GNA12: variants seen among roughly 807,000 people sequenced by gnomAD.
GNA12 encodes G protein subunit alpha 12, also known as guanine nucleotide-binding protein subunit alpha-12.
Under a neutral mutation model 26.0 loss-of-function variants are expected in GNA12, and 9 were observed. That is an observed-to-expected ratio of 0.35 (90% confidence interval 0.21 to 0.60). GNA12 has a LOEUF of 0.60. GNA12 is among the 20% of genes least tolerant of loss of function. The pLI is 0.78. For synonymous variants in GNA12, 264 were observed against 219.6 expected (o/e 1.20, Z -1.79); for missense variants, 405 against 525.8 (o/e 0.77, Z 2.25).
intron 2 of GNA12, among the ~76,000 whole-genome samples, chr7:2,770,902 TA>T (rs1296779425): frequency 6.6e-6 from 1 of 152,214 alleles, no homozygotes; most frequent in Non-Finnish European, 1.5e-5. Context: ...TAAGATCATC[TA>T]AACGTGGACC....
At chr7:2,739,077 C>G (rs1298274170) in intron 2 of GNA12, among the ~76,000 whole-genome samples, 2 of 152,212 alleles carry the variant, frequency 1.3e-5, no homozygotes, top group African/African-American at 4.8e-5. Context: ...CAGGGTGTGT[C>G]CTCGGCGTGT....
intron 2 of GNA12, among the ~76,000 whole-genome samples, chr7:2,752,773 G>A (rs7800595): frequency 0.011 from 1,681 of 152,282 alleles, 15 homozygotes; most frequent in Non-Finnish European, 0.016. Context: ...TGCATAGGAA[G>A]TTGCAAAGAT....
chr7:2,835,682 A>T, intron 1 of GNA12: 1 of 1,059,656 alleles, frequency 9.4e-7, no homozygotes, highest in Non-Finnish European at 1.5e-6. Context: ...GAAGAGCAAC[A>T]AAAGATAAAC....
chr7:2,737,282 TTTTTTTG>T lies in GNA12; in HGVS notation c.526-3788_526-3782del, dbSNP rs1162890061. On this transcript the variant is annotated intron_variant, in intron 2 of 3. Coordinates refer to ENST00000275364, the MANE Select transcript of GNA12 (RefSeq NM_007353.3). The stretch of plus-strand genomic sequence containing the variant: ...TCTCACAGTTTTGTTTTGTTTTTTT[TTTTTTTG>T]TTTTTTTTTTTTTTTTTGAGATGGA... Among the ~76,000 whole-genome samples the T allele has an allele frequency of 9.0e-3, 547 of 60,474 alleles. 28 individuals are homozygous for T. The highest frequency in any genetic ancestry group is 0.03 in the South Asian group (45 of 1,514). 39.7% of individuals were successfully genotyped at this position (60,474 alleles called of 152,430 possible).
chr7:2,747,709 T>A (rs953101997), intron 2 of GNA12, among the ~76,000 whole-genome samples: 3 of 152,118 alleles, frequency 2.0e-5, no homozygotes, highest in Non-Finnish European at 4.4e-5. Context: ...GGTATTCAAT[T>A]AGGAAAAGAG....
intron 1 of GNA12, among the ~76,000 whole-genome samples, chr7:2,831,019 G>A (rs1422481269): frequency 1.3e-5 from 2 of 151,848 alleles, no homozygotes; most frequent in Non-Finnish European, 2.9e-5. Flanking sequence ...TTCCTTCCAG[G>A]CCATCTTCTC....
chr7:2,841,256 A>T (rs1778980847), intron 1 of GNA12, among the ~76,000 whole-genome samples: 1 of 152,202 alleles, frequency 6.6e-6, no homozygotes, highest in Non-Finnish European at 1.5e-5. Context: ...GGTTCACCCC[A>T]TTCTCCTGCC....
At chr7:2,780,093 T>TATATATATATAG in intron 2 of GNA12, among the ~76,000 whole-genome samples, 1 of 130,140 alleles carries the variant, frequency 7.7e-6, no homozygotes, top group African/African-American at 3.0e-5. Context: ...TATATATATA[T>TATATATATATAG]GCCTGTTTTC....
At chr7:2,818,276 C>A (rs533628487) in intron 1 of GNA12, among the ~76,000 whole-genome samples, 2 of 152,122 alleles carry the variant, frequency 1.3e-5, no homozygotes, top group African/African-American at 2.4e-5. Flanking sequence ...TGTTTTGGAG[C>A]GCCTCACACA....
intron 1 of GNA12, among the ~76,000 whole-genome samples, chr7:2,832,750 A>T (rs1778713319): frequency 6.6e-6 from 1 of 152,186 alleles, no homozygotes; most frequent in Admixed American, 6.5e-5. Context: ...GGTGCCGTCT[A>T]CTTGGTCTCT....
At chr7:2,759,841 C>T (rs1282302738) in intron 2 of GNA12, among the ~76,000 whole-genome samples, 2 of 152,032 alleles carry the variant, frequency 1.3e-5, no homozygotes, top group East Asian at 1.9e-4. Context: ...GTGCAGATGC[C>T]GTCCAATGCG....
intron 2 of GNA12, chr7:2,760,439 C>G (rs922184045): frequency 1.3e-5 from 2 of 152,440 alleles, no homozygotes; most frequent in Non-Finnish European, 2.9e-5. Flanking sequence ...CTTTCCCGGA[C>G]GCTGTGGTAA....
chr7:2,782,641 T>A (rs994924393), intron 2 of GNA12, among the ~76,000 whole-genome samples: 11 of 152,148 alleles, frequency 7.2e-5, no homozygotes, highest in African/African-American at 2.7e-4. Context: ...AGTTTTATTA[T>A]GTCTATAGTG....
intron 2 of GNA12, among the ~76,000 whole-genome samples, chr7:2,780,505 C>G (rs749535981): frequency 1.3e-5 from 2 of 152,160 alleles, no homozygotes; most frequent in Admixed American, 1.3e-4. Flanking sequence ...TCAAAACACT[C>G]GCTCTGTCTT....
chr7:2,788,702 G>A (rs78318997), intron 2 of GNA12, among the ~76,000 whole-genome samples: 3,026 of 152,306 alleles, frequency 0.02, 117 homozygotes, highest in African/African-American at 0.069. Flanking sequence ...GAAGCAGATG[G>A]GGTGATGAAC....
chr7:2,828,941 T>C (rs1483111657), intron 1 of GNA12, among the ~76,000 whole-genome samples: 6 of 152,042 alleles, frequency 3.9e-5, no homozygotes, highest in East Asian at 3.9e-4. Context: ...GGTGTGGTGG[T>C]GTCTGCCTGC....
At chr7:2,735,155 T>C (rs208357) in intron 2 of GNA12, among the ~76,000 whole-genome samples, 1 of 151,976 alleles carries the variant, frequency 6.6e-6, no homozygotes, top group Non-Finnish European at 1.5e-5. Flanking sequence ...CGCCTCTCTC[T>C]CCTGCCTCCT....
chr7:2,755,758 G>A (rs1583243220), intron 2 of GNA12, among the ~76,000 whole-genome samples: 1 of 152,148 alleles, frequency 6.6e-6, no homozygotes, highest in South Asian at 2.1e-4. Context: ...GGCTAAAACA[G>A]GAAATTTTTT....
At chr7:2,812,254 A>G (rs951733138) in intron 1 of GNA12, among the ~76,000 whole-genome samples, 4 of 152,244 alleles carry the variant, frequency 2.6e-5, no homozygotes, top group Non-Finnish European at 5.9e-5. Flanking sequence ...TAAATAACTC[A>G]ATGTTTTTCT....
Sources: gnomAD v4.1 joint callset for allele counts (sites outside exome capture counted in the v4.1 genomes callset) on GRCh38, gnomAD v4.1.1 for gene constraint, MANE v1.5 for transcripts, NCBI Gene and HGNC (gene_info 2026-07-23, HGNC 2026-07-21) for gene names.